The following WDR70 variants were observed in gnomAD, a reference collection of about 807,000 sequenced individuals.
The protein encoded by WDR70 is WD repeat-containing protein 70.
In WDR70, 53 loss-of-function variants were observed where a neutral mutation model predicts 88.6. That is an observed-to-expected ratio of 0.60 (90% CI 0.48 to 0.75). WDR70 has a LOEUF of 0.75. Ranked by LOEUF, WDR70 falls within the 30% of genes least tolerant of loss-of-function variation. WDR70 has a pLI of 0.00. For missense variants in WDR70, 610 were observed against 823.2 expected, an observed-to-expected ratio of 0.74 and a Z score of 3.17; for synonymous variants, 280 against 270.0, an observed-to-expected ratio of 1.04 and a Z score of -0.36.
At chr5:37,581,720 A>G (rs1743220278) in intron 9 of WDR70, among the ~76,000 whole-genome samples, 1 of 152,174 alleles carries the variant, frequency 6.6e-6, no homozygotes, top group Admixed American at 6.5e-5. Context: ...AAAAGTACAC[A>G]TATATACGAT....
intron 9 of WDR70, among the ~76,000 whole-genome samples, chr5:37,575,989 C>T (rs923265831): frequency 1.3e-5 from 2 of 152,104 alleles, no homozygotes; most frequent in African/African-American, 4.8e-5. Flanking sequence ...AAAACACACA[C>T]ATTTTGTGTC....
intron 9 of WDR70, among the ~76,000 whole-genome samples, chr5:37,575,446 T>C (rs1308360254): frequency 3.9e-5 from 6 of 152,138 alleles, no homozygotes; most frequent in Non-Finnish European, 1.5e-5. Context: ...AACCAAGCCA[T>C]GATTAGACAT....
At chr5:37,687,803 A>G (rs1746656133) in intron 10 of WDR70, 2 of 463,536 alleles carry the variant, frequency 4.3e-6, no homozygotes, top group Admixed American at 7.3e-5. Context: ...CTGGAAGGCT[A>G]TATGTCTTTC....
chr5:37,493,572 C>G (rs963731280), intron 8 of WDR70, among the ~76,000 whole-genome samples: 12 of 152,136 alleles, frequency 7.9e-5, no homozygotes, highest in Non-Finnish European at 1.5e-5. Context: ...CTACTAACAT[C>G]CTGATTTCAG....
At chr5:37,525,117 C>T (rs1005803530) in intron 9 of WDR70, among the ~76,000 whole-genome samples, 53 of 152,274 alleles carry the variant, frequency 3.5e-4, no homozygotes, top group African/African-American at 1.3e-3. Flanking sequence ...CTCAGCTCTG[C>T]ACCAAGTGGA....
At chr5:37,550,737 G>A (rs1175512051) in intron 9 of WDR70, among the ~76,000 whole-genome samples, 1 of 146,910 alleles carries the variant, frequency 6.8e-6, no homozygotes, top group Non-Finnish European at 1.5e-5. Flanking sequence ...CTTACATACA[G>A]TGTTATTATT....
chr5:37,602,479 C>A (rs1187398705), intron 9 of WDR70, among the ~76,000 whole-genome samples: 1 of 151,594 alleles, frequency 6.6e-6, no homozygotes, highest in Non-Finnish European at 1.5e-5. Context: ...AGGTGGCGGG[C>A]GCCTGTAATC....
At position 37,640,616 on chromosome 5, in the gene WDR70, GTTAGC is replaced by G. The variant is rs1444376789; in HGVS notation, c.1092+35382_1092+35386del. 2.6e-5 allele frequency among the ~76,000 whole-genome samples: 4 copies of G among 152,208 alleles called. No homozygotes were observed. The East Asian group carries it at 7.7e-4, about 29-fold the overall frequency. ...CTCTGAACAGATACTTGCTCTCTAT[GTTAGC>G]TTACCTTTTGATCTTAAAGCAGCAT... is the stretch of plus-strand genomic sequence containing the variant. On this transcript the variant is annotated intron_variant, in intron 10 of 17. Coordinates refer to ENST00000265107, the MANE Select transcript of WDR70 (RefSeq NM_018034.4).
intron 7 of WDR70, among the ~76,000 whole-genome samples, chr5:37,471,848 T>G (rs2112134730): frequency 6.6e-6 from 1 of 152,132 alleles, no homozygotes; most frequent in South Asian, 2.1e-4. Context: ...CATCATTCAT[T>G]GAAAAGACTG....
At chr5:37,508,360 G>A (rs542869337) in intron 8 of WDR70, among the ~76,000 whole-genome samples, 1 of 152,300 alleles carries the variant, frequency 6.6e-6, no homozygotes, top group Non-Finnish European at 1.5e-5. Context: ...TGCAAGCCAG[G>A]AAGGGATCCC....
At chr5:37,526,506 A>T (rs1741278075) in intron 9 of WDR70, among the ~76,000 whole-genome samples, 1 of 152,222 alleles carries the variant, frequency 6.6e-6, no homozygotes, top group Non-Finnish European at 1.5e-5. Context: ...GCTATTTATG[A>T]CAAAGCCACA....
At chr5:37,422,551 C>G (rs1014817802) in intron 5 of WDR70, among the ~76,000 whole-genome samples, 3 of 152,052 alleles carry the variant, frequency 2.0e-5, no homozygotes, top group African/African-American at 7.2e-5. Context: ...GATCTCTGCT[C>G]CCTGCAACCT....
At chr5:37,690,598 C>T (rs1426814005) in intron 10 of WDR70, among the ~76,000 whole-genome samples, 2 of 152,174 alleles carry the variant, frequency 1.3e-5, no homozygotes, top group Non-Finnish European at 2.9e-5. Flanking sequence ...AATTTCATAT[C>T]CAGCCAAACT....
chr5:37,612,634 A>G (rs917454302), intron 10 of WDR70, among the ~76,000 whole-genome samples: 1 of 152,166 alleles, frequency 6.6e-6, no homozygotes, highest in Non-Finnish European at 1.5e-5. Context: ...TCAAGATACT[A>G]TTTAACTCTG....
intron 7 of WDR70, among the ~76,000 whole-genome samples, chr5:37,473,334 A>C (rs907893698): frequency 7.4e-6 from 1 of 134,662 alleles, no homozygotes; most frequent in African/African-American, 2.6e-5. Flanking sequence ...AGCTTGGTGT[A>C]TTCATATTCT....
chr5:37,466,187 A>G (rs868710229), intron 7 of WDR70, among the ~76,000 whole-genome samples: 4 of 152,212 alleles, frequency 2.6e-5, no homozygotes, highest in African/African-American at 9.6e-5. Context: ...TACTGGTAGC[A>G]TTATTATCCA....
intron 8 of WDR70, among the ~76,000 whole-genome samples, chr5:37,494,981 A>G (rs1740172035): frequency 1.3e-5 from 2 of 152,272 alleles, no homozygotes; most frequent in Non-Finnish European, 2.9e-5. Flanking sequence ...ACATAGACAC[A>G]TCCATTAATT....
In WDR70 at chr5:37,479,836, A is replaced by G. The variant is rs1247329027; in HGVS notation, c.689A>G (p.His230Arg). 1 of 1,610,074 alleles carries G rather than the reference A, an allele frequency of 6.2e-7. No homozygotes were observed. Among genetic ancestry groups the G allele is most frequent in the Admixed American group, 1.7e-5 (1 of 58,670 alleles). Residue 230 changes from histidine to arginine, a missense_variant and splice_region_variant, in exon 8 of 18, where the codon CAT (histidine) becomes CGT (arginine). Around this residue, in one of 4 missense-constraint regions of WDR70, gnomAD observed 83 missense variants for 155.3 expected, o/e 0.53. Coordinates refer to ENST00000265107, the MANE Select transcript of WDR70 (RefSeq NM_018034.4). Reference protein sequence around the residue: ...AFRSLQPCECHQIKSLQYSNT... With the variant: ...AFRSLQPCECRQIKSLQYSNT... ...ACTTTCCTTTTCTTTTCGTACAGCC[A>G]TCAGATCAAGTCATTACAGTATAGT...
At chr5:37,444,029 A>T (rs71619863) in intron 7 of WDR70, among the ~76,000 whole-genome samples, 1 of 151,554 alleles carries the variant, frequency 6.6e-6, no homozygotes, top group Non-Finnish European at 1.5e-5. Flanking sequence ...CATGCCTGTA[A>T]TCCCAGCTAC....
Sources: allele counts gnomAD v4.1 joint callset (sites outside exome capture counted in the v4.1 genomes callset), GRCh38; gene constraint gnomAD v4.1.1; regional missense constraint gnomAD v4.1.1; transcripts MANE v1.5; gene names NCBI Gene and HGNC (gene_info 2026-07-23, HGNC 2026-07-21).